Variants in MCHR2 observed in about 807,000 individuals in gnomAD.
The protein encoded by MCHR2 is melanin concentrating hormone receptor 2.
Under a neutral mutation model 24.8 loss-of-function variants are expected in MCHR2, and 15 were observed. The ratio of observed to expected loss-of-function variants is 0.60; its 90% CI spans 0.40 to 0.93. MCHR2 has a LOEUF of 0.93. Among genes scored for constraint, MCHR2 ranks in the 40% least tolerant of loss-of-function variants. MCHR2 has a pLI of 0.00. For synonymous variants in MCHR2, 151 were observed against 147.6 expected, an observed-to-expected ratio of 1.02 and a Z score of -0.17; for missense variants, 386 against 408.7, an observed-to-expected ratio of 0.94 and a Z score of 0.48.
intron 1 of MCHR2, among the ~76,000 whole-genome samples, chr6:99,987,142 C>A (rs1296942695): frequency 6.6e-6 from 1 of 151,648 alleles, no homozygotes; most frequent in Non-Finnish European, 1.5e-5. Flanking sequence ...GCTCTGCTGC[C>A]CAGGGTGGAG....
chr6:99,942,541 T>G (rs982505026), intron 4 of MCHR2, among the ~76,000 whole-genome samples: 1 of 152,150 alleles, frequency 6.6e-6, no homozygotes, highest in Non-Finnish European at 1.5e-5. Context: ...TTCACAGGTA[T>G]GGGGAGCTGG....
intron 1 of MCHR2, among the ~76,000 whole-genome samples, chr6:99,989,827 C>T (rs2397685): frequency 0.6 from 91,648 of 151,886 alleles, 27,714 homozygotes; most frequent in Middle Eastern, 0.66. Flanking sequence ...CAATGAAATG[C>T]CTTAATAGTA....
In MCHR2 at chr6:99,921,079, C is replaced by T. The variant is rs202228700; in HGVS notation, c.884G>A (p.Ser295Asn). Residue 295 changes from serine to asparagine, a missense_variant, in exon 6 of 6, where the codon AGC becomes AAC. Transcript: ENST00000281806. ...AGGGTTAATGCTGCTGCTGGCATAGCTGAGACAGATGGAGAGGTAATAACC... is the reference window on the plus strand; with the variant it reads ...AGGGTTAATGCTGCTGCTGGCATAGTTGAGACAGATGGAGAGGTAATAACC... ...YVGYYLSICLSYASSSINPFL... is the reference protein window; with the variant it reads ...YVGYYLSICLNYASSSINPFL... 5.6e-6 allele frequency: 9 copies of T among 1,614,044 alleles called. No individual in the cohort carries two copies. Among genetic ancestry groups the T allele is most frequent in the Admixed American group, 1.7e-5 (1 of 59,992 alleles).
chr6:99,928,554 G>T (rs1218734150), intron 5 of MCHR2, among the ~76,000 whole-genome samples: 1 of 152,088 alleles, frequency 6.6e-6, no homozygotes, highest in Admixed American at 6.6e-5. Flanking sequence ...CTTCTTCCTG[G>T]TTTAGTCTTG....
chr6:99,992,913 AC>A (rs1047791680), intron 1 of MCHR2, among the ~76,000 whole-genome samples: 2 of 150,104 alleles, frequency 1.3e-5, no homozygotes, highest in East Asian at 2.0e-4. Flanking sequence ...CAGCATCCCC[AC>A]CCCCCCATCT....
chr6:99,984,912 G>T (rs9399374), intron 1 of MCHR2, among the ~76,000 whole-genome samples: 142,460 of 152,152 alleles, frequency 0.94, 67,081 homozygotes, highest in East Asian at 0.99. Flanking sequence ...TGATATGATC[G>T]TATGCCTAGA....
chr6:99,973,670 T>C (rs1352921159), intron 1 of MCHR2, among the ~76,000 whole-genome samples: 2 of 152,202 alleles, frequency 1.3e-5, no homozygotes, highest in Non-Finnish European at 2.9e-5. Context: ...GGTCTTTACA[T>C]TTTGGCATGT....
intron 3 of MCHR2, among the ~76,000 whole-genome samples, chr6:99,946,424 G>C (rs1448094545): frequency 6.6e-6 from 1 of 151,788 alleles, no homozygotes; most frequent in Admixed American, 6.6e-5. Context: ...TTCTTTTTTT[G>C]TTCATCTGAA....
In MCHR2 at chr6:99,968,802, A is replaced by C. The variant is rs139837208; in HGVS notation, c.-27-12628T>G. On this transcript the variant is annotated intron_variant, in intron 1 of 5. Transcript: ENST00000281806. ...AGTGTTTTTTTTTTACCATAACAAA[A>C]TCAAACTAGAAATCAATAACAGCAA... Among the ~76,000 whole-genome samples, 314 of 152,268 alleles carry C rather than the reference A, an allele frequency of 2.1e-3. 2 individuals are homozygous for C. Among genetic ancestry groups the C allele is most frequent in the African/African-American group, 7.3e-3 (302 of 41,554 alleles).
intron 5 of MCHR2, among the ~76,000 whole-genome samples, chr6:99,926,164 T>A (rs1774353401): frequency 6.6e-6 from 1 of 152,326 alleles, no homozygotes; most frequent in South Asian, 2.1e-4. Flanking sequence ...GGACATGAAC[T>A]CATCATTTTT....
At chr6:99,978,127 T>C (rs918151321) in intron 1 of MCHR2, among the ~76,000 whole-genome samples, 1 of 152,144 alleles carries the variant, frequency 6.6e-6, no homozygotes, top group Non-Finnish European at 1.5e-5. Context: ...AGGGCCACAA[T>C]CAGAGACAAG....
rs1183517862 is a variant in MCHR2, at chr6:99,934,489, A to G, written c.616T>C (p.Phe206Leu). The G allele has an allele frequency of 1.2e-6, 2 of 1,601,690 alleles. No individual in the cohort carries two copies. The highest frequency in any genetic ancestry group is 2.3e-5 in the East Asian group (1 of 44,164). Residue 206 changes from phenylalanine (F) to leucine (L), a missense_variant, in exon 5 of 6, where the codon TTT (phenylalanine) becomes CTT (leucine). Phe to Leu is a conservative substitution (Grantham distance 22). Coordinates refer to ENST00000281806, the MANE Select transcript of MCHR2 (RefSeq NM_001040179.2). ...WYTLYLTITT[F>L]FFPLPLILVC... The stretch of plus-strand genomic sequence containing the variant: ...AAAATCAAGGGTAGAGGGAAAAAAA[A>G]AGTTGTTATCGTCAAATAAAGTGTA...
At chr6:99,970,565 A>G (rs145578673) in intron 1 of MCHR2, among the ~76,000 whole-genome samples, 4,508 of 152,176 alleles carry the variant, frequency 0.03, 204 homozygotes, top group East Asian at 0.12. Flanking sequence ...CTTTAGTTTA[A>G]TTAGATCCCA....
chr6:99,974,572 T>G (rs1203676052), intron 1 of MCHR2, among the ~76,000 whole-genome samples: 2 of 152,234 alleles, frequency 1.3e-5, no homozygotes, highest in African/African-American at 2.4e-5. Flanking sequence ...TCAAAGTCAT[T>G]CTCCATCCAG....
At chr6:99,989,433 C>T (rs1203621295) in intron 1 of MCHR2, among the ~76,000 whole-genome samples, 2 of 152,080 alleles carry the variant, frequency 1.3e-5, no homozygotes, top group East Asian at 1.9e-4. Context: ...GGTAAAATTA[C>T]TATTATCTTC....
At chr6:99,951,915 AG>A (rs1247463787) in intron 2 of MCHR2, among the ~76,000 whole-genome samples, 1 of 152,148 alleles carries the variant, frequency 6.6e-6, no homozygotes, top group African/African-American at 2.4e-5. Flanking sequence ...AGATGAGGGC[AG>A]GAAGTGACAA....
In MCHR2 at chr6:99,921,283, G is replaced by T. The variant is rs768269671; in HGVS notation, c.708-28C>A. On this transcript the variant is annotated intron_variant, in intron 5 of 5. Transcript: ENST00000281806. ...GCAGAGGAAACATTCAGATAGACAG[G>T]GTATAAACAACCATAGAAATTATGG... 10 of 1,593,122 alleles carry T rather than the reference G, an allele frequency of 6.3e-6. No homozygotes were observed. In the South Asian group the frequency reaches 1.1e-4, roughly 18 times the overall value.
rs113436457 is a variant in MCHR2, at chr6:99,919,713, G to GC, written c.*1226_*1227insG. Among the ~76,000 whole-genome samples the GC allele has an allele frequency of 3.6e-5, 5 of 137,470 alleles. No homozygotes were observed. The highest frequency in any genetic ancestry group is 6.3e-5 in the Non-Finnish European group (4 of 63,182). The allele number at this position is 137,470 out of a possible 152,430, so 90.2% of individuals were successfully genotyped here. On this transcript the variant is annotated 3_prime_UTR_variant, in exon 6 of 6. Coordinates refer to ENST00000281806, the MANE Select transcript of MCHR2 (RefSeq NM_001040179.2). The stretch of plus-strand genomic sequence containing the variant: ...CTGTAACCAAAAGGGAATGTTTCTT[G>GC]TTTTTTTTTTTGTTTGTTTTGTTTT...
At chr6:99,986,873 A>T (rs1222353459) in intron 1 of MCHR2, among the ~76,000 whole-genome samples, 1 of 150,436 alleles carries the variant, frequency 6.6e-6, no homozygotes, top group African/African-American at 2.4e-5. Context: ...TATAATATAC[A>T]TGTATATATA....
Sources: gnomAD v4.1 joint callset for allele counts (sites outside exome capture counted in the v4.1 genomes callset) on GRCh38, gnomAD v4.1.1 for gene constraint, MANE v1.5 for transcripts, NCBI Gene and HGNC (gene_info 2026-07-23, HGNC 2026-07-21) for gene names.